Variants in MDN1 observed in about 807,000 individuals in gnomAD.
MDN1 encodes midasin.
Under a neutral mutation model 669.2 loss-of-function variants are expected in MDN1, and 266 were observed. The ratio of observed to expected loss-of-function variants is 0.40; its 90% confidence interval spans 0.36 to 0.44. MDN1 has a LOEUF of 0.44. Among genes scored for constraint, MDN1 ranks in the 20% least tolerant of loss-of-function variants. The pLI is 1.00. For missense variants in MDN1, 5,940 were observed against 6,754.0 expected (o/e 0.88, Z 4.22); for synonymous variants, 2,385 against 2,457.1 (o/e 0.97, Z 0.87).
intron 32 of MDN1, among the ~76,000 whole-genome samples, chr6:89,738,980 A>G (rs1816147804): frequency 6.6e-6 from 1 of 152,258 alleles, no homozygotes; most frequent in African/African-American, 2.4e-5. Context: ...TTGCCCCTGT[A>G]GATTCCTTTT....
At chr6:89,667,027 G>A (rs930513830) in intron 84 of MDN1, among the ~76,000 whole-genome samples, 1 of 151,988 alleles carries the variant, frequency 6.6e-6, no homozygotes, top group Non-Finnish European at 1.5e-5. Flanking sequence ...ATTTATCTTT[G>A]ACACTAGCAT....
intron 73 of MDN1, among the ~76,000 whole-genome samples, chr6:89,681,543 C>T (rs2128306208): frequency 6.6e-6 from 1 of 151,398 alleles, no homozygotes; most frequent in African/African-American, 2.4e-5. Context: ...ATTTTTTTTT[C>T]CTTGAGGAAT....
chr6:89,704,704 TCGAGTAGCTGGGA>T (rs1338003047), intron 53 of MDN1, among the ~76,000 whole-genome samples: 2 of 151,994 alleles, frequency 1.3e-5, no homozygotes, highest in Non-Finnish European at 2.9e-5. Context: ...CTCCTGCCTC[TCGAGTAGCTGGGA>T]CTACAGGCGC....
At chr6:89,815,264 A>G (rs1438882019) in intron 1 of MDN1, 1 of 441,708 alleles carries the variant, frequency 2.3e-6, no homozygotes, top group Admixed American at 2.8e-5. Flanking sequence ...CTCCCAGCGC[A>G]TCTGATAGTG....
chr6:89,707,749 T>A (rs1016170821), intron 51 of MDN1, among the ~76,000 whole-genome samples: 1 of 152,146 alleles, frequency 6.6e-6, no homozygotes, highest in East Asian at 1.9e-4. Flanking sequence ...CTCTTCAAAG[T>A]GGCCATGGTA....
In MDN1 at chr6:89,749,747, A is replaced by C; in HGVS notation, c.3411T>G (p.Val1137=). ...AGCCTTTTCTCATGGCATCAATAAGAACACCTAGGAAGAAACAAACAGCAA... is the reference window on the plus strand; with the variant it reads ...AGCCTTTTCTCATGGCATCAATAAGCACACCTAGGAAGAAACAAACAGCAA... ...SSGKLVFKEG[V]LIDAMRKGYW... is the part of the protein sequence containing the mutation. Residue 1137 remains valine, a synonymous_variant, in exon 25 of 102, where the codon GTT becomes GTG. Coordinates refer to ENST00000369393, the MANE Select transcript of MDN1 (RefSeq NM_014611.3). 6.2e-7 allele frequency: 1 copy of C among 1,603,872 alleles called. No homozygotes were observed. Among genetic ancestry groups the C allele is most frequent in the African/African-American group, 1.3e-5 (1 of 74,766 alleles).
intron 56 of MDN1, 21 bp from the exon 57 acceptor site, chr6:89,700,315 T>C: frequency 6.4e-7 from 1 of 1,573,396 alleles, no homozygotes; most frequent in Non-Finnish European, 8.7e-7. Flanking sequence ...AGACAAATGT[T>C]GTATGAGAGC....
At chr6:89,659,336 G>C (rs551451452) in intron 88 of MDN1, among the ~76,000 whole-genome samples, 238 of 152,330 alleles carry the variant, frequency 1.6e-3, no homozygotes, top group African/African-American at 5.4e-3. Flanking sequence ...TCATGCCCCA[G>C]TACTCCAGTC....
In MDN1 at chr6:89,713,316, A is replaced by G; in HGVS notation, c.7070-20T>C. 1 of 1,594,980 alleles carries G rather than the reference A, an allele frequency of 6.3e-7. No homozygotes were observed. The highest frequency in any genetic ancestry group is 8.6e-7 in the Non-Finnish European group (1 of 1,168,970). Reference sequence around the variant, plus strand: ...GAGAACCTATTAAAAAAAAATTGCCATCTATAAACAATAGAGTCTTTAAAA... The same window carrying G: ...GAGAACCTATTAAAAAAAAATTGCCGTCTATAAACAATAGAGTCTTTAAAA... On this transcript the variant is annotated intron_variant, in intron 46 of 101. Transcript: ENST00000369393.
chr6:89,753,955 T>A, intron 21 of MDN1, 128 bp downstream of exon 21: 1 of 812,624 alleles, frequency 1.2e-6, no homozygotes, highest in Non-Finnish European at 1.8e-6. Flanking sequence ...GTAAATCTGG[T>A]AAGAGGTATT....
At chr6:89,728,583 C>A (rs1364635031) in intron 36 of MDN1, among the ~76,000 whole-genome samples, 3 of 152,156 alleles carry the variant, frequency 2.0e-5, no homozygotes, top group South Asian at 2.1e-4. Flanking sequence ...GTAATCCCAA[C>A]ACTTTGGGAG....
rs1368902736 is a variant in MDN1, at chr6:89,718,920, C to T, written c.6168G>A (p.Val2056=). ...CCAGGATGACCATCCAGCTCATCTG[C>T]ACACACTTCATGATTGACTCCAGGG... is the stretch of plus-strand genomic sequence containing the variant. The part of the protein sequence containing the change: ...FQPLESIMKC[V]QMSWMVILVG... Residue 2056 remains valine, a synonymous_variant, in exon 42 of 102, where the codon GTG becomes GTA. Transcript: ENST00000369393. 1.2e-6 allele frequency: 2 copies of T among 1,614,158 alleles called. No individual in the cohort carries two copies. Among genetic ancestry groups the T allele is most frequent in the Non-Finnish European group, 1.7e-6 (2 of 1,180,032 alleles).
At chr6:89,730,681 T>C in intron 35 of MDN1, 45 bp downstream of exon 35, 5 of 1,506,066 alleles carry the variant, frequency 3.3e-6, no homozygotes, top group Middle Eastern at 2.3e-4. Flanking sequence ...CAAGTATCTA[T>C]GATCTATAGA....
intron 83 of MDN1, among the ~76,000 whole-genome samples, chr6:89,670,170 A>ATACATATATTTTTTTTTT (rs1444537561): frequency 4.3e-5 from 1 of 23,412 alleles, no homozygotes; most frequent in African/African-American, 2.6e-4. Flanking sequence ...ATATATATAT[A>ATACATATATTTTTTTTTT]TTTTTTTTTT....
chr6:89,755,878 T>C (rs977788802), intron 20 of MDN1, among the ~76,000 whole-genome samples: 13 of 152,178 alleles, frequency 8.5e-5, no homozygotes, highest in African/African-American at 3.1e-4. Context: ...CCTGACACAA[T>C]CAATTATATT....
At chr6:89,673,086 G>A (rs570325250) in intron 80 of MDN1, 150 bp downstream of exon 80, 12 of 680,412 alleles carry the variant, frequency 1.8e-5, no homozygotes, top group South Asian at 7.8e-5. Context: ...GTTAAGAGCT[G>A]TGGATTTCAA....
intron 1 of MDN1, chr6:89,814,711 G>T (rs924654115): frequency 3.0e-5 from 9 of 302,254 alleles, no homozygotes; most frequent in Non-Finnish European, 4.6e-5. Context: ...GGGCCTCCAT[G>T]CACCGGAGAT....
chr6:89,738,373 C>T lies in MDN1; in HGVS notation c.4676G>A (p.Ser1559Asn), dbSNP rs4140446. The T allele has an allele frequency of 0.84, 1,358,387 of 1,613,624 alleles. 573,173 individuals carry two copies. The highest frequency in any genetic ancestry group is 1 in the East Asian group (44,819 of 44,850). Reference sequence around the variant, plus strand: ...ACACAATCCTGGACGAAGATTATGACTGATGATCTGAATTAAATCTTCACG... The same window carrying T: ...ACACAATCCTGGACGAAGATTATGATTGATGATCTGAATTAAATCTTCACG... ...TSREDLIQII[S>N]HNLRPGLCLG... is the part of the protein sequence containing the mutation. Residue 1559 changes from serine (S) to asparagine (N), a missense_variant, in exon 33 of 102, where the codon AGT becomes AAT. Transcript: ENST00000369393.
Position 89,725,339 on chromosome 6 carries a change from C to A in MDN1, c.5530G>T (p.Gly1844Ter). 1 of 1,614,004 alleles carries A rather than the reference C, an allele frequency of 6.2e-7. No individual in the cohort carries two copies. The highest frequency in any genetic ancestry group is 8.5e-7 in the Non-Finnish European group (1 of 1,179,946). ...CCTAACTCAGGCACATAGATTTCTC[C>A]TCGGTGGTCAAAACAAGCATTGAGT... ...EGLNACFDHR[G>*]EIYVPELGMS... Residue 1844 changes from glycine to a stop codon, truncating the protein, a stop_gained, in exon 38 of 102, where the codon GGA becomes TGA. Transcript: ENST00000369393. LOFTEE classifies it high-confidence loss of function.
Sources: gnomAD v4.1 joint callset for allele counts (sites outside exome capture counted in the v4.1 genomes callset) on GRCh38, gnomAD v4.1.1 for gene constraint, MANE v1.5 for transcripts, NCBI Gene and HGNC (gene_info 2026-07-23, HGNC 2026-07-21) for gene names.